COX7B2: variants seen among roughly 807,000 people sequenced by gnomAD.
COX7B2 encodes cytochrome c oxidase subunit 7B2, mitochondrial.
For synonymous variants in COX7B2, 37 were observed against 32.1 expected (o/e 1.15, Z -0.51); for missense variants, 109 against 95.9 (o/e 1.14, Z -0.57).
intron 2 of COX7B2, among the ~76,000 whole-genome samples, chr4:46,822,361 G>A (rs1312290358): frequency 6.6e-6 from 1 of 151,086 alleles, no homozygotes; most frequent in African/African-American, 2.4e-5. Context: ...AAATAAACTA[G>A]GAGAAAAACT....
At chr4:46,806,776 G>C (rs1719021249) in intron 2 of COX7B2, among the ~76,000 whole-genome samples, 1 of 151,890 alleles carries the variant, frequency 6.6e-6, no homozygotes, top group African/African-American at 2.4e-5. Flanking sequence ...TGCAATATTT[G>C]TCTTTCTATG....
intron 2 of COX7B2, among the ~76,000 whole-genome samples, chr4:46,798,738 AGTTGGCAT>A (rs1429045387): frequency 1.3e-5 from 2 of 152,158 alleles, no homozygotes; most frequent in African/African-American, 4.8e-5. Context: ...CAAGCCATAA[AGTTGGCAT>A]GTATAGCAAC....
intron 2 of COX7B2, among the ~76,000 whole-genome samples, chr4:46,756,385 C>T (rs1372932675): frequency 1.3e-5 from 2 of 151,736 alleles, no homozygotes; most frequent in Non-Finnish European, 2.9e-5. Flanking sequence ...GGACATTGGG[C>T]TAGGCAAAGA....
At chr4:46,869,119 A>G (rs548453957) in intron 1 of COX7B2, among the ~76,000 whole-genome samples, 102 of 152,280 alleles carry the variant, frequency 6.7e-4, no homozygotes, top group African/African-American at 2.4e-3. Context: ...CTTTACTATT[A>G]TGTAATGCCT....
At chr4:46,799,201 A>G (rs1718522503) in intron 2 of COX7B2, among the ~76,000 whole-genome samples, 1 of 152,084 alleles carries the variant, frequency 6.6e-6, no homozygotes, top group Non-Finnish European at 1.5e-5. Context: ...TGACTTTTGT[A>G]CATTGGTTTT....
intron 1 of COX7B2, among the ~76,000 whole-genome samples, chr4:46,880,481 G>T (rs1421369179): frequency 2.1e-5 from 3 of 141,052 alleles, no homozygotes; most frequent in South Asian, 2.3e-4. Flanking sequence ...CTCATTATTG[G>T]CCTATGCAGG....
intron 1 of COX7B2, among the ~76,000 whole-genome samples, chr4:46,885,731 A>AT (rs1719048075): frequency 6.6e-6 from 1 of 152,154 alleles, no homozygotes; most frequent in Admixed American, 6.5e-5. Context: ...TTATCTAAGC[A>AT]TTTAATTCTT....
chr4:46,788,219 T>C (rs1174393121), intron 2 of COX7B2, among the ~76,000 whole-genome samples: 3 of 152,206 alleles, frequency 2.0e-5, no homozygotes, highest in South Asian at 4.1e-4. Context: ...GTCATTTATA[T>C]TCAGTCCCAT....
intron 2 of COX7B2, among the ~76,000 whole-genome samples, chr4:46,793,811 C>G (rs1718174612): frequency 6.6e-6 from 1 of 152,136 alleles, no homozygotes; most frequent in Non-Finnish European, 1.5e-5. Context: ...TAATGGGATC[C>G]TATAAATTGG....
chr4:46,741,640 C>T (rs1714717683), intron 2 of COX7B2, among the ~76,000 whole-genome samples: 1 of 152,078 alleles, frequency 6.6e-6, no homozygotes, highest in Non-Finnish European at 1.5e-5. Context: ...TTTTCCTGAA[C>T]TAATCCCAAT....
chr4:46,830,307 G>A (rs1714980749), intron 2 of COX7B2, among the ~76,000 whole-genome samples: 2 of 122,486 alleles, frequency 1.6e-5, no homozygotes, highest in African/African-American at 3.2e-5. Context: ...CTGGGCTACA[G>A]AGCAAGACTC....
chr4:46,763,050 T>TAATATGTAATATATATTATATAA lies in COX7B2; in HGVS notation c.-49-27832_-49-27810dup, dbSNP rs1446259541. Reference sequence around the variant, plus strand: ...ATAATATAATATATATTATATATTATAATATGTAATATATATTATATAATA... The same window carrying TAATATGTAATATATATTATATAA: ...ATAATATAATATATATTATATATTATAATATGTAATATATATTATATAAAATATGTAATATATATTATATAATA... On this transcript the variant is annotated intron_variant, in intron 2 of 2. Coordinates refer to ENST00000355591, the MANE Select transcript of COX7B2 (RefSeq NM_130902.3). 7.7e-3 allele frequency among the ~76,000 whole-genome samples: 1,015 copies of TAATATGTAATATATATTATATAA among 131,038 alleles called. 11 individuals are homozygous for TAATATGTAATATATATTATATAA. Among genetic ancestry groups the TAATATGTAATATATATTATATAA allele is most frequent in the African/African-American group, 0.028 (966 of 35,078 alleles). 86.0% of individuals were successfully genotyped at this position (131,038 alleles called of 152,430 possible). A position where few individuals can be genotyped will look rare whatever the true frequency, so the allele number is the denominator to read the frequency against.
chr4:46,867,574 T>C (rs2109815195), intron 1 of COX7B2, among the ~76,000 whole-genome samples: 1 of 152,354 alleles, frequency 6.6e-6, no homozygotes, highest in Admixed American at 6.5e-5. Context: ...ATAGTGGATC[T>C]AAATGCAGCT....
intron 2 of COX7B2, among the ~76,000 whole-genome samples, chr4:46,809,388 C>T (rs1318409907): frequency 6.6e-6 from 1 of 151,714 alleles, no homozygotes; most frequent in African/African-American, 2.4e-5. Flanking sequence ...GATATTTCTT[C>T]TTTTTAATGT....
At chr4:46,820,889 A>T (rs531954728) in intron 2 of COX7B2, among the ~76,000 whole-genome samples, 3 of 151,448 alleles carry the variant, frequency 2.0e-5, no homozygotes, top group Non-Finnish European at 4.4e-5. Flanking sequence ...CAGGCAGTAT[A>T]CCTCAAAAAG....
intron 2 of COX7B2, among the ~76,000 whole-genome samples, chr4:46,826,161 A>C (rs1016382610): frequency 6.6e-6 from 1 of 152,084 alleles, no homozygotes; most frequent in African/African-American, 2.4e-5. Flanking sequence ...TCTATAAAAA[A>C]CTTAAAAATT....
intron 1 of COX7B2, among the ~76,000 whole-genome samples, chr4:46,883,005 G>C (rs1718846906): frequency 6.6e-6 from 1 of 152,038 alleles, no homozygotes; most frequent in Non-Finnish European, 1.5e-5. Context: ...CAATTTGAAG[G>C]CTATGATTTT....
chr4:46,782,601 C>T (rs1056306164), intron 2 of COX7B2, among the ~76,000 whole-genome samples: 11 of 152,166 alleles, frequency 7.2e-5, no homozygotes, highest in African/African-American at 2.7e-4. Context: ...GCTGTGGAAG[C>T]TTTGTTCTTT....
At chr4:46,741,855 C>G (rs1448829537) in intron 2 of COX7B2, among the ~76,000 whole-genome samples, 1 of 152,066 alleles carries the variant, frequency 6.6e-6, no homozygotes, top group South Asian at 2.1e-4. Flanking sequence ...AGGGGAGTAG[C>G]CTGAGAATCT....
Sources: gnomAD v4.1 joint callset for allele counts (sites outside exome capture counted in the v4.1 genomes callset) on GRCh38, gnomAD v4.1.1 for gene constraint, MANE v1.5 for transcripts, NCBI Gene and HGNC (gene_info 2026-07-23, HGNC 2026-07-21) for gene names.